Variants in GPATCH2L observed in about 807,000 individuals in gnomAD.
The protein encoded by GPATCH2L is G-patch domain containing 2 like, also known as G patch domain-containing protein 2-like.
GPATCH2L carries 31 observed loss-of-function variants against 57.4 expected under a neutral mutation model. The ratio of observed to expected loss-of-function variants is 0.54; its 90% confidence interval spans 0.41 to 0.73. The LOEUF (loss-of-function observed/expected upper bound fraction) is 0.73, where lower values mean the gene tolerates loss of function less well. Ranked by LOEUF, GPATCH2L falls within the 30% of genes least tolerant of loss-of-function variation. The pLI, the probability that GPATCH2L is intolerant of heterozygous loss-of-function variation, is 0.00. For synonymous variants in GPATCH2L, 199 were observed against 210.7 expected, an observed-to-expected ratio of 0.94 and a Z score of 0.48; for missense variants, 481 against 599.9, an observed-to-expected ratio of 0.80 and a Z score of 2.07.
At chr14:76,219,063 T>A (rs1279957996), downstream of GPATCH2L, among the ~76,000 whole-genome samples, 4 of 148,298 alleles carry the variant, frequency 2.7e-5, no homozygotes, top group Non-Finnish European at 5.9e-5. Flanking sequence ...AAGGCCTTTC[T>A]AAGTATGACA....
rs2040422530 is a variant in GPATCH2L, at chr14:76,210,051, C to T, written c.*8200C>T. ...GATGAAGCGAAGTCCTCCTCAGGGA[C>T]CTCTTAGGGAAGAGGGTAACTGCCC... is the stretch of plus-strand genomic sequence containing the variant. On this transcript the variant is annotated 3_prime_UTR_variant, in exon 10 of 10. Coordinates refer to ENST00000261530, the MANE Select transcript of GPATCH2L (RefSeq NM_017926.4). 1 of 152,184 alleles carries T rather than the reference C, an allele frequency of 6.6e-6. No homozygotes were observed. Among genetic ancestry groups the T allele is most frequent in the South Asian group, 2.1e-4 (1 of 4,826 alleles). 9.4% of individuals were successfully genotyped at this position (152,184 alleles called of 1,614,324 possible).
Position 76,173,588 on chromosome 14 carries a change from G to A in GPATCH2L, c.947G>A (p.Arg316Gln), listed in dbSNP as rs747637759. ...RLNRLPGAAARCLRKGRRRLV... is the reference protein window; with the variant it reads ...RLNRLPGAAAQCLRKGRRRLV... ...AATCGTCTACCTGGAGCTGCAGCTC[G>A]ATGCCTCAGAAAGGGGCGAAGAAGG... Residue 316 changes from arginine to glutamine, a missense_variant, in exon 5 of 10, where the codon CGA becomes CAA. Physicochemically the swap from Arg to Gln is conservative, Grantham distance 43 (BLOSUM62 1). Transcript: ENST00000261530. The A allele has an allele frequency of 2.6e-5, 42 of 1,613,314 alleles. No individual in the cohort carries two copies. The highest frequency in any genetic ancestry group is 3.2e-5 in the Non-Finnish European group (38 of 1,179,368).
chr14:76,222,621 A>G (rs1462413982), intron 1 of GPATCH2L, among the ~76,000 whole-genome samples: 1 of 151,956 alleles, frequency 6.6e-6, no homozygotes, highest in East Asian at 1.9e-4. Flanking sequence ...AACAAACCCA[A>G]AAGAATAAAT....
At chr14:76,155,723 C>T (rs755006016) in intron 2 of GPATCH2L, among the ~76,000 whole-genome samples, 4 of 152,154 alleles carry the variant, frequency 2.6e-5, no homozygotes, top group Non-Finnish European at 4.4e-5. Context: ...GTCCTAGGAA[C>T]ATTGATACCC....
intron 2 of GPATCH2L, among the ~76,000 whole-genome samples, chr14:76,156,824 T>C (rs1054827715): frequency 6.6e-6 from 1 of 152,230 alleles, no homozygotes; most frequent in African/African-American, 2.4e-5. Flanking sequence ...CAAGTATGGC[T>C]CCAGATGCAG....
Position 76,154,309 on chromosome 14 carries a change from T to G in GPATCH2L, c.-10-45T>G. 1 of 1,449,772 alleles carries G rather than the reference T, an allele frequency of 6.9e-7. No homozygotes were observed. Among genetic ancestry groups the G allele is most frequent in the Non-Finnish European group, 9.3e-7 (1 of 1,070,202 alleles). The allele number at this position is 1,449,772 out of a possible 1,614,324, so 89.8% of individuals were successfully genotyped here. A position where few individuals can be genotyped will look rare whatever the true frequency, so the allele number is the denominator to read the frequency against. On this transcript the variant is annotated intron_variant, in intron 1 of 9. Transcript: ENST00000261530. The surrounding 1 kb of genome is among the most constrained non-coding windows in gnomAD (Gnocchi z 4.4). The stretch of plus-strand genomic sequence containing the variant: ...ATCCTTTTTCAGGCTTTCTTTTTCT[T>G]TTTCTTTTCTTTCTTTCTTTTTTTC...
At chr14:76,217,958 T>G (rs947612180), downstream of GPATCH2L, among the ~76,000 whole-genome samples, 17 of 152,078 alleles carry the variant, frequency 1.1e-4, no homozygotes, top group African/African-American at 3.9e-4. Flanking sequence ...GTGCCAGGAT[T>G]TGAACCCAGT....
At chr14:76,183,057 G>C (rs1295686090) in intron 8 of GPATCH2L, among the ~76,000 whole-genome samples, 2 of 152,200 alleles carry the variant, frequency 1.3e-5, no homozygotes, top group African/African-American at 4.8e-5. Context: ...CTTTACCTCT[G>C]CTACCTAGAG....
At chr14:76,169,332 G>C (rs4903381) in intron 3 of GPATCH2L, among the ~76,000 whole-genome samples, 17,306 of 152,200 alleles carry the variant, frequency 0.11, 1,013 homozygotes, top group Admixed American at 0.15. Flanking sequence ...ACAGTACCTA[G>C]CATGTTCCTG....
chr14:76,202,626 G>A lies in GPATCH2L; in HGVS notation c.*775G>A, dbSNP rs2139829664. On this transcript the variant is annotated 3_prime_UTR_variant, in exon 10 of 10. Transcript: ENST00000261530. ...AAATTTAAAATAGTCAGTGGATTGT[G>A]TCTTACTACTTCATGTCCCAGTGTA... 6.5e-6 allele frequency: 1 copy of A among 152,734 alleles called. No individual in the cohort carries two copies. Among genetic ancestry groups the A allele is most frequent in the East Asian group, 1.9e-4 (1 of 5,182 alleles). 9.5% of individuals were successfully genotyped at this position (152,734 alleles called of 1,614,324 possible). A position where few individuals can be genotyped will look rare whatever the true frequency, so the allele number is the denominator to read the frequency against.
Position 76,208,226 on chromosome 14 carries a change from T to C in GPATCH2L, c.*6375T>C, listed in dbSNP as rs1006316533. 2.0e-5 allele frequency: 3 copies of C among 152,198 alleles called. No homozygotes were observed. The highest frequency in any genetic ancestry group is 7.2e-5 in the African/African-American group (3 of 41,434). 9.4% of individuals were successfully genotyped at this position (152,198 alleles called of 1,614,324 possible). On this transcript the variant is annotated 3_prime_UTR_variant, in exon 10 of 10. Coordinates refer to ENST00000261530, the MANE Select transcript of GPATCH2L (RefSeq NM_017926.4). Reference sequence around the variant, plus strand: ...CTTGCTGACCCCTCAATCAAATGTTTTTAATTGAAAGGGGAAAGAAAATAT... The same window carrying C: ...CTTGCTGACCCCTCAATCAAATGTTCTTAATTGAAAGGGGAAAGAAAATAT...
At chr14:76,182,609 A>C (rs2039617730) in intron 8 of GPATCH2L, among the ~76,000 whole-genome samples, 1 of 151,280 alleles carries the variant, frequency 6.6e-6, no homozygotes, top group Non-Finnish European at 1.5e-5. Flanking sequence ...AAAAAAAAGA[A>C]AAGAATGTGG....
intron 8 of GPATCH2L, among the ~76,000 whole-genome samples, chr14:76,186,946 A>G (rs1179876633): frequency 6.6e-6 from 1 of 152,130 alleles, no homozygotes; most frequent in Non-Finnish European, 1.5e-5. Context: ...GTTAGATTTA[A>G]GTGAAAATCA....
chr14:76,226,585 G>A (rs185952421), intron 1 of GPATCH2L, among the ~76,000 whole-genome samples: 5 of 152,294 alleles, frequency 3.3e-5, no homozygotes, highest in African/African-American at 1.2e-4. Flanking sequence ...CAATGCCACC[G>A]TGTTGGGAGG....
chr14:76,160,112 C>A (rs1223701818), intron 2 of GPATCH2L, among the ~76,000 whole-genome samples: 1 of 151,976 alleles, frequency 6.6e-6, no homozygotes, highest in Non-Finnish European at 1.5e-5. Context: ...TGAGTGCACT[C>A]GAGCCTGGGC....
chr14:76,185,492 A>G (rs1307451728), intron 8 of GPATCH2L, among the ~76,000 whole-genome samples: 5 of 152,228 alleles, frequency 3.3e-5, no homozygotes, highest in African/African-American at 1.2e-4. Context: ...ATTGCTACAT[A>G]CAGGTCAGTT....
At chr14:76,223,203 C>G (rs993167310) in intron 1 of GPATCH2L, among the ~76,000 whole-genome samples, 5 of 152,068 alleles carry the variant, frequency 3.3e-5, no homozygotes, top group African/African-American at 1.2e-4. Context: ...AAATTATAGG[C>G]CACTATATCT....
At chr14:76,155,669 G>GT (rs1208602926) in intron 2 of GPATCH2L, among the ~76,000 whole-genome samples, 1 of 152,194 alleles carries the variant, frequency 6.6e-6, no homozygotes, top group Non-Finnish European at 1.5e-5. Context: ...GTTTAAAAAT[G>GT]TAAGTGTAGT....
At chr14:76,235,204 C>T (rs1312699112) in intron 2 of GPATCH2L, among the ~76,000 whole-genome samples, 1 of 150,990 alleles carries the variant, frequency 6.6e-6, no homozygotes, top group Non-Finnish European at 1.5e-5. Flanking sequence ...AAAATGAATA[C>T]AGTAGACATT....
Sources: gnomAD v4.1 joint callset for allele counts (sites outside exome capture counted in the v4.1 genomes callset) on GRCh38, gnomAD v4.1.1 for gene constraint, Gnocchi (gnomAD v3.1) non-coding constraint, MANE v1.5 for transcripts, NCBI Gene and HGNC (gene_info 2026-07-23, HGNC 2026-07-21) for gene names.